The following MACROD2 variants were observed in gnomAD, a reference collection of about 807,000 sequenced individuals.
MACROD2 encodes ADP-ribose glycohydrolase MACROD2.
In MACROD2, 36 loss-of-function variants were observed where a neutral mutation model predicts 70.4. The observed-to-expected ratio is 0.51, with a 90% CI of 0.39 to 0.68. MACROD2 has a LOEUF of 0.68. Ranked by LOEUF, MACROD2 falls within the 30% of genes least tolerant of loss-of-function variation. MACROD2 has a pLI of 0.00. For missense variants in MACROD2, 496 were observed against 538.4 expected (o/e 0.92, Z 0.78); for synonymous variants, 172 against 178.8 (o/e 0.96, Z 0.30).
intron 9 of MACROD2, among the ~76,000 whole-genome samples, chr20:15,865,896 C>T (rs2147169942): frequency 6.6e-6 from 1 of 152,226 alleles, no homozygotes; most frequent in Admixed American, 6.5e-5. Context: ...TGTGGATTGG[C>T]TAGTTTAAAG....
chr20:14,144,478 T>C (rs140479774), intron 3 of MACROD2, among the ~76,000 whole-genome samples: 1 of 152,312 alleles, frequency 6.6e-6, no homozygotes, highest in African/African-American at 2.4e-5. Flanking sequence ...TGATTCACTT[T>C]TCATTCATTC....
chr20:15,621,879 T>C (rs1039162087), intron 8 of MACROD2, among the ~76,000 whole-genome samples: 2 of 152,200 alleles, frequency 1.3e-5, no homozygotes, highest in Non-Finnish European at 2.9e-5. Flanking sequence ...CCTCAGGGTT[T>C]AATTGGGTTT....
chr20:15,392,490 C>G (rs2045805948), intron 6 of MACROD2, among the ~76,000 whole-genome samples: 1 of 151,558 alleles, frequency 6.6e-6, no homozygotes, highest in Non-Finnish European at 1.5e-5. Flanking sequence ...ACTTTTTTTT[C>G]CCAATTACTT....
chr20:15,148,902 G>A (rs892740825), intron 5 of MACROD2, among the ~76,000 whole-genome samples: 2 of 152,038 alleles, frequency 1.3e-5, no homozygotes, highest in African/African-American at 4.8e-5. Flanking sequence ...CTAAGAGCCT[G>A]AAAAACTGCG....
chr20:15,895,008 C>T (rs929040791), intron 10 of MACROD2, among the ~76,000 whole-genome samples: 1 of 152,174 alleles, frequency 6.6e-6, no homozygotes, highest in African/African-American at 2.4e-5. Context: ...CCTAGAGAAA[C>T]TCTACCTCAC....
intron 3 of MACROD2, among the ~76,000 whole-genome samples, chr20:14,380,385 G>A (rs2083410119): frequency 6.6e-6 from 1 of 152,064 alleles, no homozygotes; most frequent in African/African-American, 2.4e-5. Flanking sequence ...TCTTGAGAGT[G>A]TCCTTCGGTA....
intron 8 of MACROD2, among the ~76,000 whole-genome samples, chr20:15,588,974 A>G (rs761248395): frequency 2.0e-5 from 3 of 152,140 alleles, no homozygotes; most frequent in Non-Finnish European, 4.4e-5. Context: ...TACTAGTTCC[A>G]ATTTACTGTA....
At chr20:14,683,048 T>G (rs1302975039) in intron 4 of MACROD2, among the ~76,000 whole-genome samples, 6 of 151,876 alleles carry the variant, frequency 4.0e-5, no homozygotes, top group Non-Finnish European at 7.4e-5. Context: ...CCCGGCTAAT[T>G]TTGTATTTTT....
intron 3 of MACROD2, among the ~76,000 whole-genome samples, chr20:14,367,765 G>A (rs1036906200): frequency 1.1e-5 from 1 of 94,346 alleles, no homozygotes; most frequent in African/African-American, 4.2e-5. Context: ...ACAGTTATTC[G>A]TCTTGGAGTT....
chr20:15,192,052 A>G (rs564099911), intron 5 of MACROD2, among the ~76,000 whole-genome samples: 1 of 150,762 alleles, frequency 6.6e-6, no homozygotes, highest in Non-Finnish European at 1.5e-5. Flanking sequence ...CTATCTATCT[A>G]TCTATCTATC....
chr20:14,178,537 T>C (rs1239891796), intron 3 of MACROD2, among the ~76,000 whole-genome samples: 1 of 152,064 alleles, frequency 6.6e-6, no homozygotes, highest in Non-Finnish European at 1.5e-5. Flanking sequence ...ATACAGGAGT[T>C]AATAGGTAAG....
At chr20:15,560,428 G>A (rs1295133673) in intron 8 of MACROD2, among the ~76,000 whole-genome samples, 2 of 152,116 alleles carry the variant, frequency 1.3e-5, no homozygotes, top group East Asian at 3.8e-4. Context: ...GCTAGATGCT[G>A]GGGGGATTTT....
intron 5 of MACROD2, among the ~76,000 whole-genome samples, chr20:15,069,204 T>C (rs1053735372): frequency 1.3e-5 from 2 of 152,186 alleles, no homozygotes; most frequent in African/African-American, 4.8e-5. Flanking sequence ...CAGCAAAGCA[T>C]TCAAGATGTG....
rs184818344 is a variant in MACROD2 at position 15,870,697 on chromosome 20, G to A, written c.727+7871G>A. On this transcript the variant is annotated intron_variant, in intron 9 of 17. Coordinates refer to ENST00000684519, the MANE Select transcript of MACROD2 (RefSeq NM_001351661.2). ...GGCTCCTCTGTCTCCAAAACTGTGA[G>A]CCAATACATTTCTGTTCATTACGTA... Among the ~76,000 whole-genome samples the A allele has an allele frequency of 7.2e-5, 11 of 152,240 alleles. No homozygotes were observed. The East Asian group carries it at 1.9e-3, about 27-fold the overall frequency.
At chr20:15,267,414 G>T (rs952781929) in intron 6 of MACROD2, among the ~76,000 whole-genome samples, 1 of 152,152 alleles carries the variant, frequency 6.6e-6, no homozygotes, top group East Asian at 1.9e-4. Context: ...ACAGTGCCTT[G>T]TCTACCTTTG....
intron 6 of MACROD2, among the ~76,000 whole-genome samples, chr20:15,253,979 C>T (rs994478457): frequency 6.6e-6 from 1 of 152,120 alleles, no homozygotes; most frequent in Non-Finnish European, 1.5e-5. Context: ...CATGCTGTCC[C>T]CCATCCTGTA....
intron 3 of MACROD2, among the ~76,000 whole-genome samples, chr20:14,234,725 A>G (rs1048221751): frequency 4.6e-5 from 7 of 152,200 alleles, no homozygotes; most frequent in Non-Finnish European, 1.0e-4. Context: ...ACAAACAGAC[A>G]GACACACACA....
intron 8 of MACROD2, among the ~76,000 whole-genome samples, chr20:15,582,879 G>T (rs1043220067): frequency 6.6e-6 from 1 of 152,150 alleles, no homozygotes; most frequent in African/African-American, 2.4e-5. Flanking sequence ...AAGTTCTGTC[G>T]GGGTTGAGAG....
At chr20:15,629,285 G>T (rs994277797) in intron 8 of MACROD2, among the ~76,000 whole-genome samples, 1 of 152,096 alleles carries the variant, frequency 6.6e-6, no homozygotes, top group Non-Finnish European at 1.5e-5. Flanking sequence ...GTTAATTTTA[G>T]CCATTTTAGC....
Sources: allele counts gnomAD v4.1 joint callset (sites outside exome capture counted in the v4.1 genomes callset), GRCh38; gene constraint gnomAD v4.1.1; transcripts MANE v1.5; gene names NCBI Gene and HGNC (gene_info 2026-07-23, HGNC 2026-07-21).